Variants in SLC23A2 observed in about 807,000 individuals in gnomAD.
SLC23A2 encodes the protein solute carrier family 23 member 2.
In SLC23A2, 36 loss-of-function variants were observed where a neutral mutation model predicts 73.3. The observed-to-expected ratio is 0.49, with a 90% CI of 0.38 to 0.65. SLC23A2 has a LOEUF of 0.65. SLC23A2 is among the 30% of genes least tolerant of loss of function. The pLI, the probability that SLC23A2 is intolerant of heterozygous loss-of-function variation, is 0.00. For synonymous variants in SLC23A2, 343 were observed against 327.3 expected (o/e 1.05, Z -0.52); for missense variants, 507 against 841.6 (o/e 0.60, Z 4.92).
At chr20:4,890,439 G>A (rs1335693833) in intron 6 of SLC23A2, among the ~76,000 whole-genome samples, 3 of 152,074 alleles carry the variant, frequency 2.0e-5, no homozygotes, top group Admixed American at 6.6e-5. Context: ...GATAACCTGA[G>A]GTCATGAGTT....
At position 4,911,890 on chromosome 20, in the gene SLC23A2, T is replaced by G. The variant is rs567467045; in HGVS notation, c.207+990A>C. On this transcript the variant is annotated intron_variant, in intron 4 of 16. Coordinates refer to ENST00000338244, the MANE Select transcript of SLC23A2 (RefSeq NM_005116.6). ...ACAGGGTCTTACTCTGTCTTCCCAG[T>G]TGGAGTACAGAAGCATGATCTTAGC... Among the ~76,000 whole-genome samples, 7 of 152,208 alleles carry G rather than the reference T, an allele frequency of 4.6e-5. No individual in the cohort carries two copies. The East Asian group carries it at 1.4e-3, about 29-fold the overall frequency.
At position 4,883,553 on chromosome 20, in the gene SLC23A2, T is replaced by C; in HGVS notation, c.824+89A>G. The C allele has an allele frequency of 1.1e-6, 1 of 937,714 alleles. No homozygotes were observed. Among genetic ancestry groups the C allele is most frequent in the Non-Finnish European group, 1.6e-6 (1 of 628,484 alleles). The allele number at this position is 937,714 out of a possible 1,614,324, so 58.1% of individuals were successfully genotyped here. A position where few individuals can be genotyped will look rare whatever the true frequency, so the allele number is the denominator to read the frequency against. On this transcript the variant is annotated intron_variant, in intron 9 of 16. Coordinates refer to ENST00000338244, the MANE Select transcript of SLC23A2 (RefSeq NM_005116.6). The surrounding 1 kb of genome is among the most constrained non-coding windows in gnomAD (Gnocchi z 4.5). ...GTTGAAACTGTCAGACCATTCTTAT[T>C]ATTGAAAAACATTATCTCCTGAAGT... is the stretch of plus-strand genomic sequence containing the variant.
Position 4,862,120 on chromosome 20 carries a change from A to T in SLC23A2, c.1487-35T>A, listed in dbSNP as rs1317423047. ...AACAAACCAGACCACAAGCTCCAGC[A>T]CCACTACAGCGGGGACAGCTCAAGG... On this transcript the variant is annotated intron_variant, in intron 14 of 16. Coordinates refer to ENST00000338244, the MANE Select transcript of SLC23A2 (RefSeq NM_005116.6). The surrounding 1 kb of genome is among the most constrained non-coding windows in gnomAD (Gnocchi z 5.1). 1 of 1,611,844 alleles carries T rather than the reference A, an allele frequency of 6.2e-7. No individual in the cohort carries two copies. Among genetic ancestry groups the T allele is most frequent in the Non-Finnish European group, 8.5e-7 (1 of 1,178,628 alleles).
At chr20:4,937,818 G>T (rs2086983252) in intron 2 of SLC23A2, among the ~76,000 whole-genome samples, 1 of 152,112 alleles carries the variant, frequency 6.6e-6, no homozygotes, top group South Asian at 2.1e-4. Context: ...GAGACTTGCT[G>T]GTGATTTTGC....
chr20:4,943,571 A>C (rs958009208), intron 2 of SLC23A2, among the ~76,000 whole-genome samples: 1 of 151,218 alleles, frequency 6.6e-6, no homozygotes, highest in Non-Finnish European at 1.5e-5. Flanking sequence ...GTTATTTAGG[A>C]GACTGAGGTG....
chr20:4,913,022 AT>A, intron 3 of SLC23A2, 44 bp from the exon 4 acceptor site: 2 of 1,304,354 alleles, frequency 1.5e-6, no homozygotes. Flanking sequence ...CGTGAACCAC[AT>A]TTTCCTCCCC....
chr20:4,925,584 G>A (rs144314608), intron 3 of SLC23A2, among the ~76,000 whole-genome samples: 119 of 152,160 alleles, frequency 7.8e-4, no homozygotes, highest in African/African-American at 2.7e-3. Context: ...CCTGGACTGC[G>A]TAAGCACCCT....
chr20:4,985,596 C>T lies in SLC23A2; in HGVS notation c.-281-14677G>A, dbSNP rs375159873. On this transcript the variant is annotated intron_variant, in intron 1 of 16. Transcript: ENST00000338244. ...CCTAGTAGCTGGGACTACAGGTGCG[C>T]GCCACCATGCCCAGCTAATTTTTGT... Among the ~76,000 whole-genome samples, 567 of 152,132 alleles carry T rather than the reference C, an allele frequency of 3.7e-3. 3 individuals carry two copies. Among genetic ancestry groups the T allele is most frequent in the Middle Eastern group, 0.017 (5 of 294 alleles).
At chr20:4,871,044 A>C (rs529613353) in intron 11 of SLC23A2, among the ~76,000 whole-genome samples, 111 of 152,316 alleles carry the variant, frequency 7.3e-4, no homozygotes, top group Non-Finnish European at 1.2e-3. Flanking sequence ...TGAAAGCCAT[A>C]GGTCTTACTT....
In SLC23A2 at chr20:4,854,654, G is replaced by A. The variant is rs942552942; in HGVS notation, c.*2318C>T. ...CTTCCCTGTGTGAAGGCCTACAGAGGGCACCCCACATGTTAGCGGGGTTGA... is the reference window on the plus strand; with the variant it reads ...CTTCCCTGTGTGAAGGCCTACAGAGAGCACCCCACATGTTAGCGGGGTTGA... On this transcript the variant is annotated 3_prime_UTR_variant, in exon 17 of 17. Coordinates refer to ENST00000338244, the MANE Select transcript of SLC23A2 (RefSeq NM_005116.6). The A allele has an allele frequency of 6.6e-6, 1 of 152,172 alleles. No individual in the cohort carries two copies. The highest frequency in any genetic ancestry group is 2.4e-5 in the African/African-American group (1 of 41,436). The allele number at this position is 152,172 out of a possible 1,614,324, so 9.4% of individuals were successfully genotyped here.
chr20:4,893,473 C>T (rs780842443), intron 6 of SLC23A2, among the ~76,000 whole-genome samples: 11 of 152,156 alleles, frequency 7.2e-5, no homozygotes, highest in African/African-American at 2.4e-4. Context: ...ATCTGATCAC[C>T]GCATCCCTCC....
chr20:4,946,299 C>A (rs1366012854), intron 2 of SLC23A2, among the ~76,000 whole-genome samples: 1 of 152,118 alleles, frequency 6.6e-6, no homozygotes, highest in Admixed American at 6.6e-5. Flanking sequence ...AAGAGGGGTC[C>A]TGACAGTAGC....
chr20:4,891,878 G>A (rs1054040828), intron 6 of SLC23A2, among the ~76,000 whole-genome samples: 1 of 152,060 alleles, frequency 6.6e-6, no homozygotes, highest in Non-Finnish European at 1.5e-5. Context: ...AGCCTCCCGA[G>A]AAGCTGGGAC....
chr20:4,987,233 T>C (rs904587416), intron 1 of SLC23A2, among the ~76,000 whole-genome samples: 2 of 152,010 alleles, frequency 1.3e-5, no homozygotes, highest in Non-Finnish European at 2.9e-5. Flanking sequence ...TTTGAGTGGA[T>C]GAAAGAATAA....
intron 9 of SLC23A2, among the ~76,000 whole-genome samples, chr20:4,875,624 G>A (rs1384371130): frequency 2.6e-5 from 4 of 152,148 alleles, no homozygotes; most frequent in African/African-American, 7.2e-5. Flanking sequence ...ACCCCTCCAC[G>A]GCAGGACCAT....
At position 4,879,244 on chromosome 20, in the gene SLC23A2, T is replaced by TA. The variant is rs1930780469; in HGVS notation, c.824+4397dup. ...CAACATGGTGAAACCCTGTCTCTACTAAAAATACAAAAAAATTAGTCGGGA... is the reference window on the plus strand; with the variant it reads ...CAACATGGTGAAACCCTGTCTCTACTAAAAAATACAAAAAAATTAGTCGGGA... On this transcript the variant is annotated intron_variant, in intron 9 of 16. Coordinates refer to ENST00000338244, the MANE Select transcript of SLC23A2 (RefSeq NM_005116.6). Among the ~76,000 whole-genome samples, 6 of 148,186 alleles carry TA rather than the reference T, an allele frequency of 4.0e-5. No homozygotes were observed. The South Asian group carries it at 1.3e-3, about 31-fold the overall frequency.
At chr20:4,956,661 C>A (rs964725795) in intron 2 of SLC23A2, among the ~76,000 whole-genome samples, 1 of 152,076 alleles carries the variant, frequency 6.6e-6, no homozygotes, top group Admixed American at 6.6e-5. Context: ...TAATAAAATC[C>A]TTGGTTTTAA....
intron 1 of SLC23A2, among the ~76,000 whole-genome samples, chr20:4,975,051 T>C (rs1054041657): frequency 6.6e-6 from 1 of 152,182 alleles, no homozygotes; most frequent in Non-Finnish European, 1.5e-5. Flanking sequence ...TCTCCCAAAA[T>C]GCTGGATTAC....
At chr20:4,859,264 A>AAATT in intron 16 of SLC23A2, 25 bp downstream of exon 16, 3 of 1,345,092 alleles carry the variant, frequency 2.2e-6, no homozygotes, top group Non-Finnish European at 3.1e-6. Context: ...AAAAAAAAAA[A>AAATT]GTGTGTTTGA....
Sources: gnomAD v4.1 joint callset for allele counts (sites outside exome capture counted in the v4.1 genomes callset) on GRCh38, gnomAD v4.1.1 for gene constraint, Gnocchi (gnomAD v3.1) non-coding constraint, MANE v1.5 for transcripts, NCBI Gene and HGNC (gene_info 2026-07-23, HGNC 2026-07-21) for gene names.